The following ST6GAL1 variants were observed in gnomAD, a reference collection of about 807,000 sequenced individuals.
The protein encoded by ST6GAL1 is ST6 beta-galactoside alpha-2,6-sialyltransferase 1.
In ST6GAL1, 20 loss-of-function variants were observed where a neutral mutation model predicts 38.0. The observed-to-expected ratio is 0.53, with a 90% CI of 0.37 to 0.77. The LOEUF (loss-of-function observed/expected upper bound fraction) is 0.77, where lower values mean the gene tolerates loss of function less well. Ranked by LOEUF, ST6GAL1 falls within the 30% of genes least tolerant of loss-of-function variation. The pLI is 0.00. For synonymous variants in ST6GAL1, 196 were observed against 188.2 expected, an observed-to-expected ratio of 1.04 and a Z score of -0.34; for missense variants, 432 against 496.4, an observed-to-expected ratio of 0.87 and a Z score of 1.23.
At chr3:186,934,642 C>T (rs1241240057) in intron 1 of ST6GAL1, among the ~76,000 whole-genome samples, 1 of 152,080 alleles carries the variant, frequency 6.6e-6, no homozygotes, top group Non-Finnish European at 1.5e-5. Flanking sequence ...GGGAGTAAGG[C>T]GTATGAATCT....
At chr3:187,069,135 CT>C (rs779256326) in intron 5 of ST6GAL1, among the ~76,000 whole-genome samples, 143 of 144,862 alleles carry the variant, frequency 9.9e-4, no homozygotes, top group South Asian at 1.3e-3. Context: ...TGAACTTCTT[CT>C]TTTTTTTTTT....
intron 2 of ST6GAL1, among the ~76,000 whole-genome samples, chr3:186,991,269 A>G (rs1255721599): frequency 6.6e-6 from 1 of 152,036 alleles, no homozygotes; most frequent in Non-Finnish European, 1.5e-5. Context: ...ATTTCTTAGG[A>G]CCTAACCTGG....
chr3:186,981,607 T>G (rs1245602918), intron 2 of ST6GAL1, among the ~76,000 whole-genome samples: 1 of 152,216 alleles, frequency 6.6e-6, no homozygotes, highest in African/African-American at 2.4e-5. Flanking sequence ...TGATGTCTTG[T>G]TATCTCTTAT....
chr3:187,037,410 T>G (rs886854376), intron 2 of ST6GAL1, among the ~76,000 whole-genome samples: 1 of 152,188 alleles, frequency 6.6e-6, no homozygotes, highest in Non-Finnish European at 1.5e-5. Context: ...TTTTATTATA[T>G]TAACCCTTTT....
intron 5 of ST6GAL1, among the ~76,000 whole-genome samples, chr3:187,056,367 C>G (rs1399788152): frequency 1.3e-5 from 2 of 152,062 alleles, no homozygotes; most frequent in African/African-American, 2.4e-5. Flanking sequence ...GTTATTTTGC[C>G]CATTAGCTGA....
chr3:187,051,220 C>T, intron 4 of ST6GAL1, 29 bp from the exon 5 acceptor site: 1 of 1,601,690 alleles, frequency 6.2e-7, no homozygotes, highest in South Asian at 1.1e-5. Context: ...GTGCTCATCA[C>T]CTCTTTTCTG....
At chr3:186,965,308 C>T (rs994532088) in intron 2 of ST6GAL1, among the ~76,000 whole-genome samples, 1 of 152,162 alleles carries the variant, frequency 6.6e-6, no homozygotes, top group African/African-American at 2.4e-5. Flanking sequence ...ATCTCTAATG[C>T]GGGTGTGGGG....
At chr3:186,956,713 T>C (rs573405459) in intron 1 of ST6GAL1, among the ~76,000 whole-genome samples, 1 of 152,320 alleles carries the variant, frequency 6.6e-6, no homozygotes, top group East Asian at 1.9e-4. Context: ...AAACAAAATT[T>C]ACAGCTGACT....
chr3:187,008,554 A>G (rs944928294), intron 2 of ST6GAL1, among the ~76,000 whole-genome samples: 2 of 152,182 alleles, frequency 1.3e-5, no homozygotes, highest in Non-Finnish European at 2.9e-5. Context: ...AAAGCAAAAT[A>G]GAGATATTTT....
In ST6GAL1 at chr3:187,076,142, A is replaced by T; in HGVS notation, c.*339A>T. On this transcript the variant is annotated 3_prime_UTR_variant, in exon 8 of 8. Transcript: ENST00000169298. The stretch of plus-strand genomic sequence containing the variant: ...AAAGCTGGGCTTTGTTTTTCCCAGC[A>T]GAATGATGCCATTCTCACAAACCAA... 1 of 291,022 alleles carries T rather than the reference A, an allele frequency of 3.4e-6. No individual in the cohort carries two copies. Among genetic ancestry groups the T allele is most frequent in the Non-Finnish European group, 6.5e-6 (1 of 154,306 alleles). The allele number at this position is 291,022 out of a possible 1,614,324, so 18.0% of individuals were successfully genotyped here.
Position 187,076,063 on chromosome 3 carries a change from T to G in ST6GAL1, c.*260T>G. 2.2e-6 allele frequency: 1 copy of G among 454,172 alleles called. No individual in the cohort carries two copies. Among genetic ancestry groups the G allele is most frequent in the African/African-American group, 1.9e-5 (1 of 51,300 alleles). 28.1% of individuals were successfully genotyped at this position (454,172 alleles called of 1,614,324 possible). On this transcript the variant is annotated 3_prime_UTR_variant, in exon 8 of 8. Coordinates refer to ENST00000169298, the MANE Select transcript of ST6GAL1 (RefSeq NM_173216.2). Reference sequence around the variant, plus strand: ...CTAGCATTCTTTCCAGACAGCATCCTCCCCGCCTTCCACCTTGGTAGATGC... The same window carrying G: ...CTAGCATTCTTTCCAGACAGCATCCGCCCCGCCTTCCACCTTGGTAGATGC...
At chr3:187,056,414 T>C (rs1718704550) in intron 5 of ST6GAL1, among the ~76,000 whole-genome samples, 1 of 152,230 alleles carries the variant, frequency 6.6e-6, no homozygotes, top group South Asian at 2.1e-4. Context: ...TTTTACAATG[T>C]AGCATGTTTT....
chr3:187,036,291 CTG>C (rs1717929421), intron 2 of ST6GAL1, among the ~76,000 whole-genome samples: 1 of 152,322 alleles, frequency 6.6e-6, no homozygotes, highest in African/African-American at 2.4e-5. Context: ...CACCTACACA[CTG>C]TTGTTGAGAA....
intron 6 of ST6GAL1, chr3:187,073,795 T>C (rs1007281542): frequency 1.2e-5 from 2 of 171,278 alleles, no homozygotes; most frequent in Non-Finnish European, 2.5e-5. Context: ...TCTGAACCCA[T>C]AGATGTCCTA....
intron 2 of ST6GAL1, among the ~76,000 whole-genome samples, chr3:187,028,042 C>T (rs1230677868): frequency 2.0e-5 from 3 of 151,484 alleles, no homozygotes; most frequent in African/African-American, 7.3e-5. Context: ...GTGACTCTGA[C>T]AAGATCAGGT....
intron 2 of ST6GAL1, among the ~76,000 whole-genome samples, chr3:187,029,725 A>G (rs1717673457): frequency 6.6e-6 from 1 of 152,178 alleles, no homozygotes; most frequent in African/African-American, 2.4e-5. Context: ...GCTGGTGTGG[A>G]GCAGAACAGA....
chr3:187,037,828 A>G (rs9864681), intron 2 of ST6GAL1, among the ~76,000 whole-genome samples: 2,039 of 150,758 alleles, frequency 0.014, 23 homozygotes, highest in Middle Eastern at 0.037. Context: ...AAATTTTGGA[A>G]TATATGTAAA....
intron 2 of ST6GAL1, among the ~76,000 whole-genome samples, chr3:187,014,806 C>T (rs1417739661): frequency 2.0e-5 from 3 of 152,204 alleles, no homozygotes; most frequent in Middle Eastern, 3.2e-3. Flanking sequence ...CTCAAATCAA[C>T]ATCCTTATGG....
At chr3:186,962,779 A>C (rs2108526720) in intron 1 of ST6GAL1, among the ~76,000 whole-genome samples, 1 of 152,316 alleles carries the variant, frequency 6.6e-6, no homozygotes. Context: ...AGATGACTTA[A>C]GTGTCCAGGC....
Sources: allele counts gnomAD v4.1 joint callset (sites outside exome capture counted in the v4.1 genomes callset), GRCh38; gene constraint gnomAD v4.1.1; transcripts MANE v1.5; gene names NCBI Gene and HGNC (gene_info 2026-07-23, HGNC 2026-07-21).